The following PDE4D variants were observed in gnomAD, a reference collection of about 807,000 sequenced individuals.
The protein encoded by PDE4D is 3',5'-cyclic-AMP phosphodiesterase 4D.
PDE4D carries 24 observed loss-of-function variants against 87.4 expected under a neutral mutation model. The ratio of observed to expected loss-of-function variants is 0.27; its 90% CI spans 0.20 to 0.39. The LOEUF is 0.39. Among genes scored for constraint, PDE4D ranks in the 10% least tolerant of loss-of-function variants. The pLI is 1.00. For synonymous variants in PDE4D, 384 were observed against 383.2 expected, an observed-to-expected ratio of 1.00 and a Z score of -0.02; for missense variants, 714 against 1,041.0, an observed-to-expected ratio of 0.69 and a Z score of 4.32.
In PDE4D at chr5:60,197,078, T is replaced by TACAGACAGAC. The variant is rs1562208468; in HGVS notation, c.-89-11392_-89-11391insGTCTGTCTGT. ...ATAGATAGATAGATAGATAGACAGT[T>TACAGACAGAC]AGATAGATAGATAGATAGATAGATA... On this transcript the variant is annotated intron_variant, in intron 1 of 16. Coordinates refer to the PDE4D transcript ENST00000502484. 1.2e-4 allele frequency among the ~76,000 whole-genome samples: 5 copies of TACAGACAGAC among 41,174 alleles called. No individual in the cohort carries two copies. The South Asian group carries it at 3.1e-3, about 26-fold the overall frequency. 27.0% of individuals were successfully genotyped at this position (41,174 alleles called of 152,430 possible).
chr5:60,267,076 C>T (rs1428844884), intron 1 of PDE4D, among the ~76,000 whole-genome samples: 2 of 152,222 alleles, frequency 1.3e-5, no homozygotes, highest in South Asian at 2.1e-4. Flanking sequence ...CAGAATGAAG[C>T]GCTATGCAAA....
intron 1 of PDE4D, among the ~76,000 whole-genome samples, chr5:59,882,177 T>C (rs1020005933): frequency 2.0e-5 from 3 of 152,196 alleles, no homozygotes; most frequent in African/African-American, 7.2e-5. Flanking sequence ...TTCTCAAACA[T>C]CTGATAAGAA....
chr5:60,366,929 G>A (rs1030125745), intron 1 of PDE4D, among the ~76,000 whole-genome samples: 2 of 152,102 alleles, frequency 1.3e-5, no homozygotes, highest in African/African-American at 4.8e-5. Flanking sequence ...AAATGAAACA[G>A]ATTCTAGAAC....
intron 5 of PDE4D, among the ~76,000 whole-genome samples, chr5:59,156,326 T>TATATATATATATAG (rs1780192582): frequency 9.0e-6 from 1 of 110,836 alleles, no homozygotes; most frequent in Non-Finnish European, 2.1e-5. Context: ...AAAAAATATA[T>TATATATATATATAG]ATATATGTGT....
At chr5:59,887,064 ACGAT>A (rs1454042632) in intron 1 of PDE4D, among the ~76,000 whole-genome samples, 2 of 152,180 alleles carry the variant, frequency 1.3e-5, no homozygotes, top group Non-Finnish European at 2.9e-5. Context: ...ATTTCTGAGG[ACGAT>A]TCAAAAGATC....
At chr5:59,845,632 T>C (rs1743727710) in intron 1 of PDE4D, among the ~76,000 whole-genome samples, 1 of 152,108 alleles carries the variant, frequency 6.6e-6, no homozygotes, top group Admixed American at 6.6e-5. Context: ...ACAGTAAATT[T>C]ACCATAATGT....
intron 1 of PDE4D, among the ~76,000 whole-genome samples, chr5:59,368,742 C>T (rs1448643806): frequency 6.6e-6 from 1 of 152,150 alleles, no homozygotes; most frequent in Non-Finnish European, 1.5e-5. Flanking sequence ...TTCTCACATT[C>T]AGTTGAACAA....
rs543017885 is a variant in PDE4D at position 59,442,342 on chromosome 5, A to G, written c.456-226374T>C. On this transcript the variant is annotated intron_variant, in intron 1 of 14. Coordinates refer to ENST00000340635, the MANE Select transcript of PDE4D (RefSeq NM_001104631.2). The stretch of plus-strand genomic sequence containing the variant: ...GGGAATGAAAATGTGGTTTGACAAC[A>G]TCCAAGTTTTCATAATAGATAAACT... Among the ~76,000 whole-genome samples the G allele has an allele frequency of 3.9e-5, 6 of 152,296 alleles. No homozygotes were observed. The East Asian group carries it at 9.6e-4, about 24-fold the overall frequency.
intron 1 of PDE4D, among the ~76,000 whole-genome samples, chr5:59,690,796 G>A (rs1750776184): frequency 6.6e-6 from 1 of 152,100 alleles, no homozygotes. Context: ...TACAGAATGG[G>A]AGAAAATTTT....
intron 1 of PDE4D, among the ~76,000 whole-genome samples, chr5:59,230,743 C>T (rs1236194447): frequency 1.3e-5 from 2 of 152,160 alleles, no homozygotes; most frequent in Non-Finnish European, 2.9e-5. Flanking sequence ...CATTCACCAG[C>T]CCTACTATTA....
chr5:60,232,462 T>C (rs550057040), intron 1 of PDE4D, among the ~76,000 whole-genome samples: 2 of 152,014 alleles, frequency 1.3e-5, no homozygotes, highest in Non-Finnish European at 2.9e-5. Flanking sequence ...GCAGCATCAG[T>C]CTCTCACATG....
intron 1 of PDE4D, chr5:60,188,178 G>C (rs1456428161): frequency 6.6e-6 from 1 of 152,130 alleles, no homozygotes; most frequent in Non-Finnish European, 1.5e-5. Context: ...ACCAGTTGAA[G>C]GTCCAAGAAT....
chr5:59,944,021 A>G, intron 3 of PDE4D, among the ~76,000 whole-genome samples: 1 of 152,226 alleles, frequency 6.6e-6, no homozygotes, highest in East Asian at 1.9e-4. Context: ...CTATGCAAAG[A>G]ACTTTTACAA....
At chr5:59,614,613 T>G (rs1343048536) in intron 1 of PDE4D, among the ~76,000 whole-genome samples, 1 of 152,194 alleles carries the variant, frequency 6.6e-6, no homozygotes, top group Non-Finnish European at 1.5e-5. Context: ...CCAATCCTGT[T>G]TACCTAATCA....
At chr5:59,992,588 A>G (rs1456423139) in intron 2 of PDE4D, among the ~76,000 whole-genome samples, 1 of 152,196 alleles carries the variant, frequency 6.6e-6, no homozygotes, top group African/African-American at 2.4e-5. Context: ...TCTTTTTATA[A>G]GCATTTAGCT....
At chr5:59,067,031 T>TGAG in intron 5 of PDE4D, among the ~76,000 whole-genome samples, 1 of 138,726 alleles carries the variant, frequency 7.2e-6, no homozygotes, top group African/African-American at 2.7e-5. Flanking sequence ...TTTATTTATT[T>TGAG]AGAGAGAGAG....
intron 1 of PDE4D, among the ~76,000 whole-genome samples, chr5:60,429,726 G>GT (rs750948162): frequency 7.9e-5 from 12 of 151,594 alleles, no homozygotes; most frequent in Non-Finnish European, 1.3e-4. Flanking sequence ...ATGATCATGT[G>GT]TTTTTTGTTT....
chr5:59,032,992 C>G (rs1757852560), intron 6 of PDE4D, among the ~76,000 whole-genome samples: 2 of 152,310 alleles, frequency 1.3e-5, no homozygotes, highest in South Asian at 4.2e-4. Flanking sequence ...CTGTACAAAG[C>G]TGCTGTAAGT....
At chr5:60,218,892 G>A (rs1169115489) in intron 1 of PDE4D, among the ~76,000 whole-genome samples, 1 of 152,048 alleles carries the variant, frequency 6.6e-6, no homozygotes, top group Admixed American at 6.6e-5. Flanking sequence ...ATGTATACTG[G>A]TGAATTCTGT....
Sources: allele counts gnomAD v4.1 joint callset (sites outside exome capture counted in the v4.1 genomes callset), GRCh38; gene constraint gnomAD v4.1.1; transcripts MANE v1.5; gene names NCBI Gene and HGNC (gene_info 2026-07-23, HGNC 2026-07-21).